Variants in PIP5K1C observed in about 807,000 individuals in gnomAD.
The protein encoded by PIP5K1C is phosphatidylinositol 4-phosphate 5-kinase type-1 gamma.
PIP5K1C carries 45 observed loss-of-function variants against 80.1 expected under a neutral mutation model. The observed-to-expected ratio is 0.56, with a 90% CI of 0.44 to 0.72. PIP5K1C has a LOEUF of 0.72. Ranked by LOEUF, PIP5K1C falls within the 30% of genes least tolerant of loss-of-function variation. PIP5K1C has a pLI of 0.00. For missense variants in PIP5K1C, 753 were observed against 954.6 expected (o/e 0.79, Z 2.78); for synonymous variants, 498 against 420.1 (o/e 1.19, Z -2.27).
chr19:3,698,903 C>T (rs1381903334), intron 1 of PIP5K1C, among the ~76,000 whole-genome samples: 1 of 151,520 alleles, frequency 6.6e-6, no homozygotes, highest in Non-Finnish European at 1.5e-5. Context: ...GCAGAGATGC[C>T]AGACCCTGAC....
intron 2 of PIP5K1C, among the ~76,000 whole-genome samples, chr19:3,666,320 C>A (rs1239899149): frequency 6.6e-6 from 1 of 152,252 alleles, no homozygotes; most frequent in Non-Finnish European, 1.5e-5. Flanking sequence ...GACGGCCCAC[C>A]CCACTGCGCC....
Position 3,696,854 on chromosome 19 carries a change from G to A in PIP5K1C, c.94+3443C>T, listed in dbSNP as rs1466379168. ...GGAGCCATGGAGGGCTGCGAGCAGA[G>A]GAGGGTCGGGACTCGGGCCGCTGGT... On this transcript the variant is annotated intron_variant, in intron 1 of 17. Transcript: ENST00000335312. The surrounding 1 kb of genome is among the most constrained non-coding windows in gnomAD (Gnocchi z 4.1). Among the ~76,000 whole-genome samples, 1 of 152,194 alleles carries A rather than the reference G, an allele frequency of 6.6e-6. No individual in the cohort carries two copies. The highest frequency in any genetic ancestry group is 1.9e-4 in the East Asian group (1 of 5,190).
At chr19:3,657,486 G>A (rs1323989465) in intron 5 of PIP5K1C, among the ~76,000 whole-genome samples, 1 of 152,218 alleles carries the variant, frequency 6.6e-6, no homozygotes, top group Non-Finnish European at 1.5e-5. Flanking sequence ...CATCAGCGGA[G>A]CAAGCCAGGC....
Position 3,698,269 on chromosome 19 carries a change from C to T in PIP5K1C, c.94+2028G>A, listed in dbSNP as rs532179564. Among the ~76,000 whole-genome samples, 3 of 152,378 alleles carry T rather than the reference C, an allele frequency of 2.0e-5. No individual in the cohort carries two copies. In the East Asian group the frequency reaches 5.8e-4, roughly 29 times the overall value. ...CACGAGCGCCAACTCATCCCAGGCTCAGCCCCTAGCACACACGGTCATCAC... is the reference window on the plus strand; with the variant it reads ...CACGAGCGCCAACTCATCCCAGGCTTAGCCCCTAGCACACACGGTCATCAC... On this transcript the variant is annotated intron_variant, in intron 1 of 17. Coordinates refer to ENST00000335312, the MANE Select transcript of PIP5K1C (RefSeq NM_012398.3).
rs560689961 is a variant in PIP5K1C, at chr19:3,694,612, C to T, written c.94+5685G>A. On this transcript the variant is annotated intron_variant, in intron 1 of 17. Coordinates refer to ENST00000335312, the MANE Select transcript of PIP5K1C (RefSeq NM_012398.3). ...GGGCTCGCCGCCCCACTCAGATGCC[C>T]GTGCCACCCGCTGTCCTCAGGTCCG... Among the ~76,000 whole-genome samples the T allele has an allele frequency of 8.5e-5, 13 of 152,364 alleles. No individual in the cohort carries two copies. In the South Asian group the frequency reaches 1.0e-3, roughly 12 times the overall value.
At chr19:3,658,485 C>T (rs1383113242) in intron 5 of PIP5K1C, among the ~76,000 whole-genome samples, 1 of 152,270 alleles carries the variant, frequency 6.6e-6, no homozygotes, top group Non-Finnish European at 1.5e-5. Flanking sequence ...CCTCCGCCTT[C>T]CCCGCCACGG....
intron 1 of PIP5K1C, among the ~76,000 whole-genome samples, chr19:3,691,663 C>T (rs2035955781): frequency 6.6e-6 from 1 of 152,236 alleles, no homozygotes; most frequent in Non-Finnish European, 1.5e-5. Flanking sequence ...CAATAGCAGT[C>T]ACCTCCTGCT....
In PIP5K1C at chr19:3,644,146, C is replaced by A; in HGVS notation, c.1451G>T (p.Arg484Leu). 6.2e-7 allele frequency: 1 copy of A among 1,612,096 alleles called. No homozygotes were observed. The highest frequency in any genetic ancestry group is 1.3e-5 in the African/African-American group (1 of 75,054). Residue 484 changes from arginine to leucine, a missense_variant, in exon 12 of 18, where the codon CGG (arginine) becomes CTG (leucine). This residue lies in a region of PIP5K1C where 315 missense variants were observed against 294.5 expected (regional missense o/e 1.07). Coordinates refer to ENST00000335312, the MANE Select transcript of PIP5K1C (RefSeq NM_012398.3). ...CCGCAGGTCGTACTGGGCCTCCTCC[C>A]GCTCGCTAGGGATCTGGCTGGCCGA... The part of the protein sequence containing the change: ...AFSASQIPSE[R>L]EEAQYDLRGA...
intron 1 of PIP5K1C, among the ~76,000 whole-genome samples, chr19:3,671,206 G>GC (rs936632557): frequency 2.0e-5 from 3 of 152,124 alleles, no homozygotes; most frequent in African/African-American, 4.8e-5. Flanking sequence ...CCCCTCTGGG[G>GC]CCCCCCCACA....
chr19:3,684,786 G>C (rs568568077), intron 1 of PIP5K1C, among the ~76,000 whole-genome samples: 1 of 152,194 alleles, frequency 6.6e-6, no homozygotes, highest in Non-Finnish European at 1.5e-5. Context: ...GCAAAGCCCC[G>C]GGCGGCTCTC....
At chr19:3,653,981 A>G (rs1023095359) in intron 6 of PIP5K1C, among the ~76,000 whole-genome samples, 13 of 152,062 alleles carry the variant, frequency 8.5e-5, no homozygotes, top group Non-Finnish European at 1.2e-4. Context: ...TGCACACACA[A>G]ACACATACAC....
intron 8 of PIP5K1C, among the ~76,000 whole-genome samples, chr19:3,650,952 C>T (rs1034864677): frequency 1.3e-5 from 2 of 151,990 alleles, no homozygotes; most frequent in Non-Finnish European, 2.9e-5. Flanking sequence ...GATGGGGTTT[C>T]ACCATGTTGG....
At chr19:3,693,059 T>C (rs75728385) in intron 1 of PIP5K1C, among the ~76,000 whole-genome samples, 30,429 of 151,888 alleles carry the variant, frequency 0.2, 3,483 homozygotes, top group African/African-American at 0.3. Context: ...CTGCGTTGCG[T>C]GTTTTGCTTT....
intron 1 of PIP5K1C, among the ~76,000 whole-genome samples, chr19:3,668,862 G>C (rs979093119): frequency 6.6e-6 from 1 of 152,182 alleles, no homozygotes; most frequent in Non-Finnish European, 1.5e-5. Flanking sequence ...CAGGCGGAGG[G>C]AACGGCAGCA....
At chr19:3,638,243 C>T (rs1007677338) in intron 16 of PIP5K1C, among the ~76,000 whole-genome samples, 2 of 152,152 alleles carry the variant, frequency 1.3e-5, no homozygotes, top group Non-Finnish European at 2.9e-5. Flanking sequence ...GCTGGCCGCC[C>T]GGCAGCCACC....
Position 3,633,485 on chromosome 19 carries a change from G to A in PIP5K1C, c.1956C>T (p.Leu652=). Reference sequence around the variant, plus strand: ...CCGGGGGGGCCTGGGCGCTATAGTGGAGCGGGGAGTACACCCAGCTCCTCT... The same window carrying A: ...CCGGGGGGGCCTGGGCGCTATAGTGAAGCGGGGAGTACACCCAGCTCCTCT... ...TDERSWVYSP[L]HYSAQAPPAS... Residue 652 remains leucine (L), a synonymous_variant, in exon 17 of 18, where the codon CTC becomes CTT. Transcript: ENST00000335312. 6.6e-7 allele frequency: 1 copy of A among 1,513,442 alleles called. No homozygotes were observed. The highest frequency in any genetic ancestry group is 8.9e-7 in the Non-Finnish European group (1 of 1,127,832). 93.8% of individuals were successfully genotyped at this position (1,513,442 alleles called of 1,614,324 possible).
intron 12 of PIP5K1C, 24 bp from the exon 13 acceptor site, chr19:3,643,405 C>T: frequency 6.2e-7 from 1 of 1,612,322 alleles, no homozygotes; most frequent in Non-Finnish European, 8.5e-7. Flanking sequence ...ACTGTGGGCA[C>T]CTTGCGGAGC....
Position 3,661,924 on chromosome 19 carries a change from T to G in PIP5K1C, c.297A>C (p.Glu99Asp). 1.2e-6 allele frequency: 2 copies of G among 1,612,816 alleles called. No individual in the cohort carries two copies. Among genetic ancestry groups the G allele is most frequent in the Non-Finnish European group, 8.5e-7 (1 of 1,179,926 alleles). The change falls in exon 4 of 18, where the codon GAA becomes GAC. Residue 99 changes from glutamate (E) to aspartate (D), a missense_variant. This residue lies in a region of PIP5K1C where 139 missense variants were observed against 289.7 expected (regional missense o/e 0.48). Transcript: ENST00000335312. ...YTVGHLSSKP[E>D]RDVLMQDFYV... ...AGAAGTCCTGCATGAGCACGTCGCG[T>G]TCGGGCTTGGAGCTCAGGTGGCCCA... is the stretch of plus-strand genomic sequence containing the variant.
intron 15 of PIP5K1C, among the ~76,000 whole-genome samples, chr19:3,640,408 C>T (rs1267543870): frequency 9.9e-5 from 15 of 151,884 alleles, no homozygotes; most frequent in African/African-American, 2.2e-4. Context: ...CCCAGCTACT[C>T]GGGAGGCTGA....
Sources: gnomAD v4.1 joint callset for allele counts (sites outside exome capture counted in the v4.1 genomes callset) on GRCh38, gnomAD v4.1.1 for gene constraint, gnomAD v4.1.1 regional missense constraint, Gnocchi (gnomAD v3.1) non-coding constraint, MANE v1.5 for transcripts, NCBI Gene and HGNC (gene_info 2026-07-23, HGNC 2026-07-21) for gene names.